Variants in DENND5A observed in about 807,000 individuals in gnomAD.
DENND5A encodes DENN domain containing 5A, also known as DENN domain-containing protein 5A.
Under a neutral mutation model 140.3 loss-of-function variants are expected in DENND5A, and 64 were observed. The observed-to-expected ratio is 0.46, with a 90% CI of 0.37 to 0.56. DENND5A has a LOEUF of 0.56. Ranked by LOEUF, DENND5A falls within the 20% of genes least tolerant of loss-of-function variation. The pLI is 0.00. For missense variants in DENND5A, 1,292 were observed against 1,593.8 expected (o/e 0.81, Z 3.22); for synonymous variants, 605 against 607.7 (o/e 1.00, Z 0.07).
At chr11:9,152,537 T>C (rs192851375) in intron 12 of DENND5A, 95 bp from the exon 13 acceptor site, 8 of 846,892 alleles carry the variant, frequency 9.4e-6, no homozygotes, top group African/African-American at 5.0e-5. Flanking sequence ...AAAAAATATA[T>C]GTACTGTTTC....
At chr11:9,229,781 C>T (rs1162573409) in intron 1 of DENND5A, among the ~76,000 whole-genome samples, 1 of 152,028 alleles carries the variant, frequency 6.6e-6, no homozygotes. Flanking sequence ...CATTAGATAA[C>T]ACCCTTTGTC....
chr11:9,265,207 C>T lies in DENND5A; in HGVS notation c.-138G>A, dbSNP rs1166871579. On this transcript the variant is annotated 5_prime_UTR_variant, in exon 1 of 23. Transcript: ENST00000328194. The surrounding 1 kb of genome is among the most constrained non-coding windows in gnomAD (Gnocchi z 4.7). ...CTCGGGCCGCCGCCCCCGGCCCTGG[C>T]CCGGTCCCCTCGGCCGCCGCGGCTG... 7 of 323,128 alleles carry T rather than the reference C, an allele frequency of 2.2e-5. No homozygotes were observed. The highest frequency in any genetic ancestry group is 3.2e-5 in the Non-Finnish European group (7 of 216,852). The allele number at this position is 323,128 out of a possible 1,614,324, so 20.0% of individuals were successfully genotyped here.
chr11:9,254,708 A>G (rs931083075), intron 1 of DENND5A, among the ~76,000 whole-genome samples: 2 of 152,160 alleles, frequency 1.3e-5, no homozygotes, highest in African/African-American at 4.8e-5. Flanking sequence ...ACTGGCTCAT[A>G]AAACTTTTTA....
intron 5 of DENND5A, among the ~76,000 whole-genome samples, chr11:9,186,937 A>G (rs1303958278): frequency 6.6e-6 from 1 of 152,170 alleles, no homozygotes; most frequent in African/African-American, 2.4e-5. Context: ...AAAAAAAATT[A>G]GCCAGGCATT....
chr11:9,173,557 G>A (rs909997839), intron 8 of DENND5A, among the ~76,000 whole-genome samples: 5 of 152,208 alleles, frequency 3.3e-5, no homozygotes, highest in Non-Finnish European at 5.9e-5. Context: ...GTCTCATCAT[G>A]TGATCCAAGT....
intron 1 of DENND5A, among the ~76,000 whole-genome samples, chr11:9,259,072 C>T (rs1852076037): frequency 6.6e-6 from 1 of 152,238 alleles, no homozygotes; most frequent in African/African-American, 2.4e-5. Context: ...ACCAGCCTGA[C>T]CAACATGGTG....
chr11:9,253,989 C>T (rs1208783532), intron 1 of DENND5A, among the ~76,000 whole-genome samples: 1 of 151,968 alleles, frequency 6.6e-6, no homozygotes, highest in Non-Finnish European at 1.5e-5. Flanking sequence ...GAAACCCCAT[C>T]TCTACTAAGA....
intron 12 of DENND5A, among the ~76,000 whole-genome samples, chr11:9,155,132 G>A (rs1223777698): frequency 6.6e-6 from 1 of 151,252 alleles, no homozygotes; most frequent in African/African-American, 2.4e-5. Context: ...CTGGGCAACA[G>A]GGTGAGACTC....
chr11:9,147,973 C>T (rs991780597), intron 15 of DENND5A, among the ~76,000 whole-genome samples: 3 of 152,222 alleles, frequency 2.0e-5, no homozygotes, highest in Admixed American at 2.0e-4. Flanking sequence ...GAGGTTCTAC[C>T]TAGCCAGGTT....
chr11:9,259,693 G>A (rs1027950704), intron 1 of DENND5A, among the ~76,000 whole-genome samples: 11 of 152,108 alleles, frequency 7.2e-5, no homozygotes, highest in African/African-American at 2.7e-4. Flanking sequence ...ACAGATGTGA[G>A]CCACTGTACC....
chr11:9,169,221 C>G (rs1057131303), intron 10 of DENND5A, among the ~76,000 whole-genome samples: 1 of 152,052 alleles, frequency 6.6e-6, no homozygotes, highest in Non-Finnish European at 1.5e-5. Flanking sequence ...ATGAGGCAGG[C>G]GGATTACCTG....
At chr11:9,242,014 CAAAAAAA>C (rs965240891) in intron 1 of DENND5A, among the ~76,000 whole-genome samples, 6 of 58,168 alleles carry the variant, frequency 1.0e-4, no homozygotes, top group African/African-American at 3.7e-4. Flanking sequence ...AACTCCGTCT[CAAAAAAA>C]AAAAAAAAAA....
intron 8 of DENND5A, 154 bp from the exon 9 acceptor site, chr11:9,170,931 A>C: frequency 3.1e-6 from 4 of 1,288,220 alleles, no homozygotes; most frequent in Admixed American, 2.7e-5. Flanking sequence ...ATAGGAAAAA[A>C]CCCATGCAAA....
chr11:9,213,780 C>A (rs113249882), intron 1 of DENND5A, among the ~76,000 whole-genome samples: 2 of 125,370 alleles, frequency 1.6e-5, no homozygotes, highest in African/African-American at 6.2e-5. Flanking sequence ...GCACTCCAGC[C>A]TGGGTGGCTG....
At position 9,176,484 on chromosome 11, in the gene DENND5A, C is replaced by T. The variant is rs1425184191; in HGVS notation, c.1906+1648G>A. 3.9e-5 allele frequency among the ~76,000 whole-genome samples: 6 copies of T among 152,270 alleles called. No homozygotes were observed. The South Asian group carries it at 1.0e-3, about 26-fold the overall frequency. On this transcript the variant is annotated intron_variant, in intron 8 of 22. Transcript: ENST00000328194. ...AACTAATGTAGATGAGTCCTCTGAACAAAAGGACATGTTCAATCATTTGTG... is the reference window on the plus strand; with the variant it reads ...AACTAATGTAGATGAGTCCTCTGAATAAAAGGACATGTTCAATCATTTGTG...
Position 9,139,834 on chromosome 11 carries a change from C to G in DENND5A, c.3701G>C (p.Trp1234Ser), listed in dbSNP as rs1238010745. 2 of 1,614,084 alleles carry G rather than the reference C, an allele frequency of 1.2e-6. No homozygotes were observed. The highest frequency in any genetic ancestry group is 3.3e-5 in the Admixed American group (2 of 60,008). ...GGGGCAGTCAGCCAGCAGGGCAATC[C>G]AGTGGTGTAGGAGGTGATCTCTGGC... is the stretch of plus-strand genomic sequence containing the variant. ...LGARDHLLHH[W>S]IALLADCPIT... Residue 1234 changes from tryptophan to serine, a missense_variant, in exon 23 of 23, where the codon TGG becomes TCG. By Grantham distance (177) the Trp-to-Ser change is radical. Transcript: ENST00000328194.
chr11:9,170,504 G>A, intron 9 of DENND5A, 123 bp downstream of exon 9: 1 of 1,243,830 alleles, frequency 8.0e-7, no homozygotes, highest in Non-Finnish European at 1.1e-6. Flanking sequence ...GATAGTCTGG[G>A]TCTTCTCCAT....
intron 1 of DENND5A, among the ~76,000 whole-genome samples, chr11:9,264,675 A>G (rs1278351248): frequency 6.6e-6 from 1 of 152,072 alleles, no homozygotes; most frequent in Admixed American, 6.5e-5. Flanking sequence ...TTTTAAACGA[A>G]GTCACTCAAC....
intron 1 of DENND5A, among the ~76,000 whole-genome samples, chr11:9,217,112 C>T (rs1246837770): frequency 6.6e-6 from 1 of 152,258 alleles, no homozygotes. Context: ...TACAATGGAA[C>T]ATTATTCAGC....
Sources: gnomAD v4.1 joint callset for allele counts (sites outside exome capture counted in the v4.1 genomes callset) on GRCh38, gnomAD v4.1.1 for gene constraint, Gnocchi (gnomAD v3.1) non-coding constraint, MANE v1.5 for transcripts, NCBI Gene and HGNC (gene_info 2026-07-23, HGNC 2026-07-21) for gene names.